The following ASIC3 variants were observed in gnomAD, a reference collection of about 807,000 sequenced individuals.
ASIC3 encodes acid-sensing ion channel 3.
In ASIC3, 46 loss-of-function variants were observed where a neutral mutation model predicts 58.6. That is an observed-to-expected ratio of 0.79 (90% CI 0.62 to 1.00). The LOEUF is 1.00. ASIC3 is among the 50% of genes least tolerant of loss of function. The pLI, the probability that ASIC3 is intolerant of heterozygous loss-of-function variation, is 0.00. For synonymous variants in ASIC3, 336 were observed against 300.2 expected (o/e 1.12, Z -1.23); for missense variants, 770 against 735.0 (o/e 1.05, Z -0.55).
In ASIC3 at chr7:151,048,762, C is replaced by T. The variant is rs1043160898; in HGVS notation, c.-124C>T. On this transcript the variant is annotated 5_prime_UTR_variant, in exon 1 of 11. Coordinates refer to ENST00000349064, the MANE Select transcript of ASIC3 (RefSeq NM_004769.4). ...CTGCCTTCCAACCTTGGCTGTCTCC[C>T]ACCCTCTCTTCTCCTCTCCTTGCCT... 1 of 1,257,516 alleles carries T rather than the reference C, an allele frequency of 8.0e-7. No individual in the cohort carries two copies. Among genetic ancestry groups the T allele is most frequent in the African/African-American group, 1.5e-5 (1 of 66,596 alleles). The allele number at this position is 1,257,516 out of a possible 1,614,324, so 77.9% of individuals were successfully genotyped here.
At position 151,051,304 on chromosome 7, in the gene ASIC3, G is replaced by A; in HGVS notation, c.1199G>A (p.Ser400Asn). The change falls in exon 6 of 11, where the codon AGC (serine) becomes AAC (asparagine). Residue 400 changes from serine to asparagine, a missense_variant. Ser to Asn is a conservative substitution (Grantham distance 46). Coordinates refer to ENST00000349064, the MANE Select transcript of ASIC3 (RefSeq NM_004769.4). Reference sequence around the variant, plus strand: ...TTCCTGGCCCGGAAGCTCAACCGCAGCGAGGCCTACATCGCGTGAGCTGCG... The same window carrying A: ...TTCCTGGCCCGGAAGCTCAACCGCAACGAGGCCTACATCGCGTGAGCTGCG... ...ARFLARKLNRSEAYIAENVLA... is the reference protein window; with the variant it reads ...ARFLARKLNRNEAYIAENVLA... 3 of 1,520,934 alleles carry A rather than the reference G, an allele frequency of 2.0e-6. No homozygotes were observed. Among genetic ancestry groups the A allele is most frequent in the Non-Finnish European group, 8.8e-7 (1 of 1,142,588 alleles). 94.2% of individuals were successfully genotyped at this position (1,520,934 alleles called of 1,614,324 possible).
chr7:151,051,973 G>C lies in ASIC3; in HGVS notation c.1307-10G>C. 2 of 1,613,676 alleles carry C rather than the reference G, an allele frequency of 1.2e-6. No homozygotes were observed. On this transcript the variant is annotated splice_polypyrimidine_tract_variant and intron_variant, in intron 7 of 10. Coordinates refer to ENST00000349064, the MANE Select transcript of ASIC3 (RefSeq NM_004769.4). ...TGGCTGTAAGTTGAAGGGTGACCCTGTCTCCACAGGTGACATTGGGGGCCA... is the reference window on the plus strand; with the variant it reads ...TGGCTGTAAGTTGAAGGGTGACCCTCTCTCCACAGGTGACATTGGGGGCCA...
chr7:151,050,454 C>G lies in ASIC3; in HGVS notation c.686-27C>G, dbSNP rs200595590. The G allele has an allele frequency of 1.2e-4, 197 of 1,611,306 alleles. 1 individual carries two copies. The East Asian group carries it at 1.8e-3, about 15-fold the overall frequency. ...GGGCAGGAGACCTGACCACACAGGT[C>G]AGGCCTCACAGGTCCCTCCCCGACA... On this transcript the variant is annotated intron_variant, in intron 2 of 10. Coordinates refer to ENST00000349064, the MANE Select transcript of ASIC3 (RefSeq NM_004769.4).
At chr7:151,051,396 G>T (rs1014129299) in intron 6 of ASIC3, 77 bp downstream of exon 6, 2 of 1,398,132 alleles carry the variant, frequency 1.4e-6, no homozygotes, top group South Asian at 1.6e-5. Context: ...CCAGGCCGTA[G>T]CCCTAGTGCG....
Position 151,050,954 on chromosome 7 carries a change from G to A in ASIC3, c.1009+1G>A. The A allele has an allele frequency of 1.2e-6, 2 of 1,613,486 alleles. No individual in the cohort carries two copies. The highest frequency in any genetic ancestry group is 1.1e-5 in the South Asian group (1 of 91,088). ...GGCTGCCGAATGGTGTACATGCCAGGTGAGGGGCTGGGGTTTTCGTCCCAT... is the reference window on the plus strand; with the variant it reads ...GGCTGCCGAATGGTGTACATGCCAGATGAGGGGCTGGGGTTTTCGTCCCAT... On this transcript the variant is annotated splice_donor_variant, in intron 4 of 10. Transcript: ENST00000349064. LOFTEE classifies it high-confidence loss of function.
intron 5 of ASIC3, 27 bp downstream of exon 5, chr7:151,051,122 GTCCGCCCCGC>G (rs764874352): frequency 1.6e-4 from 255 of 1,605,282 alleles, no homozygotes; most frequent in Non-Finnish European, 2.0e-4. Context: ...CCCACCTCCC[GTCCGCCCCGC>G]TCCGCCCGCG....
At chr7:151,050,688 G>A in intron 3 of ASIC3, 70 bp from the exon 4 acceptor site, 1 of 1,606,218 alleles carries the variant, frequency 6.2e-7, no homozygotes, top group Non-Finnish European at 8.5e-7. Flanking sequence ...CCTCAGACCT[G>A]TCTAGGGGCC....
rs766451637 is a variant in ASIC3 at position 151,051,913 on chromosome 7, G to A, written c.1306+12G>A. 1.6e-5 allele frequency: 26 copies of A among 1,613,614 alleles called. No homozygotes were observed. In the Admixed American group the frequency reaches 3.5e-4, roughly 22 times the overall value. On this transcript the variant is annotated intron_variant, in intron 7 of 10. Transcript: ENST00000349064. ...GTCAGAGCTGCTTGGTGTGTGTGCA[G>A]GGCCCCCAGGGCTGGGGGGGTGTGG... is the stretch of plus-strand genomic sequence containing the variant.
Position 151,049,374 on chromosome 7 carries a change from C to T in ASIC3, c.489C>T (p.Asp163=). 6.2e-7 allele frequency: 1 copy of T among 1,607,258 alleles called. No individual in the cohort carries two copies. Residue 163 remains aspartate, a synonymous_variant, in exon 1 of 11, where the codon GAC becomes GAT. Transcript: ENST00000349064. ...AGHSLDDMLL[D]CRFRGQPCGP... Reference sequence around the variant, plus strand: ...ACTCCCTGGATGACATGCTGCTGGACTGTCGCTTCCGTGGCCAACCTTGTG... The same window carrying T: ...ACTCCCTGGATGACATGCTGCTGGATTGTCGCTTCCGTGGCCAACCTTGTG...
chr7:151,051,160 G>A lies in ASIC3; in HGVS notation c.1067-12G>A, dbSNP rs374624215. ...CGCCCGCGGGCGTCTGACGCGGCCC[G>A]GTGGCCCGCAGATGCCATGCTTCGC... On this transcript the variant is annotated splice_polypyrimidine_tract_variant and intron_variant, in intron 5 of 10. Coordinates refer to ENST00000349064, the MANE Select transcript of ASIC3 (RefSeq NM_004769.4). 3 of 1,594,990 alleles carry A rather than the reference G, an allele frequency of 1.9e-6. No homozygotes were observed. Among genetic ancestry groups the A allele is most frequent in the Admixed American group, 1.7e-5 (1 of 57,794 alleles).
chr7:151,050,375 C>A, intron 2 of ASIC3, 106 bp from the exon 3 acceptor site: 1 of 1,565,610 alleles, frequency 6.4e-7, no homozygotes, highest in South Asian at 1.2e-5. Context: ...AGGGGCTGGG[C>A]TGGCTCATCC....
rs760460254 is a variant in ASIC3 at position 151,051,226 on chromosome 7, G to T, written c.1121G>T (p.Arg374Leu). 5.7e-6 allele frequency: 9 copies of T among 1,575,890 alleles called. No homozygotes were observed. Among genetic ancestry groups the T allele is most frequent in the South Asian group, 1.1e-5 (1 of 87,744 alleles). Reference protein sequence around the residue: ...CACPNPCASTRYAKELSMVRI... With the variant: ...CACPNPCASTLYAKELSMVRI... Reference sequence around the variant, plus strand: ...TGCCCCAACCCGTGCGCCAGCACGCGCTACGCCAAGGAGCTCTCCATGGTG... The same window carrying T: ...TGCCCCAACCCGTGCGCCAGCACGCTCTACGCCAAGGAGCTCTCCATGGTG... Residue 374 changes from arginine to leucine, a missense_variant, in exon 6 of 11, where the codon CGC becomes CTC. Coordinates refer to ENST00000349064, the MANE Select transcript of ASIC3 (RefSeq NM_004769.4).
chr7:151,049,510 C>T (rs1796715951), intron 1 of ASIC3, 91 bp downstream of exon 1: 3 of 1,449,910 alleles, frequency 2.1e-6, no homozygotes, highest in African/African-American at 1.4e-5. Context: ...AGCACAGGCT[C>T]CCCCAAAGCC....
Position 151,049,235 on chromosome 7 carries a change from T to C in ASIC3, c.350T>C (p.Leu117Pro), listed in dbSNP as rs139085042. 4.3e-5 allele frequency: 69 copies of C among 1,611,782 alleles called. No homozygotes were observed. The highest frequency in any genetic ancestry group is 5.1e-5 in the Non-Finnish European group (60 of 1,179,088). ...LHWAGSALLGLDPAEHAAFLR... is the reference protein window; with the variant it reads ...LHWAGSALLGPDPAEHAAFLR... ...TGGGCTGGGTCTGCGCTGCTGGGCC[T>C]GGATCCCGCAGAGCACGCCGCCTTC... is the stretch of plus-strand genomic sequence containing the variant. The change falls in exon 1 of 11, where the codon CTG (leucine) becomes CCG (proline). Residue 117 changes from leucine (L) to proline (P), a missense_variant. By Grantham distance (98) the Leu-to-Pro change is moderately conservative. Transcript: ENST00000349064.
chr7:151,052,014 C>T lies in ASIC3; in HGVS notation c.1338C>T (p.Ile446=), dbSNP rs767102339. 3.9e-5 allele frequency: 63 copies of T among 1,611,298 alleles called. 1 individual carries two copies. The highest frequency in any genetic ancestry group is 2.9e-4 in the South Asian group (26 of 90,806). ...GDIGGQMGLF[I]GASLLTILEI... The stretch of plus-strand genomic sequence containing the variant: ...TTGGGGGCCAGATGGGGCTGTTCAT[C>T]GGGGCCAGCCTGCTCACCATCCTCG... The change falls in exon 8 of 11, where the codon ATC becomes ATT. Residue 446 remains isoleucine (I), a synonymous_variant. Coordinates refer to ENST00000349064, the MANE Select transcript of ASIC3 (RefSeq NM_004769.4). The surrounding 1 kb of genome is among the most constrained non-coding windows in gnomAD (Gnocchi z 5.0).
Position 151,052,222 on chromosome 7 carries a change from C to G in ASIC3, c.1443C>G (p.His481Gln). The G allele has an allele frequency of 1.2e-6, 2 of 1,614,074 alleles. No individual in the cohort carries two copies. Among genetic ancestry groups the G allele is most frequent in the South Asian group, 2.2e-5 (2 of 91,080 alleles). ...GGAACCGACAGCACTCCCAAAGGCACTCCAGCACCAATCTGGTAACAGCCC... is the reference window on the plus strand; with the variant it reads ...GGAACCGACAGCACTCCCAAAGGCAGTCCAGCACCAATCTGGTAACAGCCC... ...YFWNRQHSQR[H>Q]SSTNLLQEGL... Residue 481 changes from histidine (H) to glutamine (Q), a missense_variant, in exon 9 of 11, where the codon CAC becomes CAG. Coordinates refer to ENST00000349064, the MANE Select transcript of ASIC3 (RefSeq NM_004769.4). This position sits in a 1 kb window ranked among gnomAD's most constrained non-coding sequence, Gnocchi z 5.0.
At position 151,050,250 on chromosome 7, in the gene ASIC3, G is replaced by A. The variant is rs1796736172; in HGVS notation, c.679G>A (p.Asp227Asn). 6 of 1,612,804 alleles carry A rather than the reference G, an allele frequency of 3.7e-6. No homozygotes were observed. The highest frequency in any genetic ancestry group is 1.7e-5 in the Admixed American group (1 of 59,994). ...GGAGGAATATCTACCTGTGTGGAGGGACAATGGTAGGGAGCACACAAATGA... is the reference window on the plus strand; with the variant it reads ...GGAGGAATATCTACCTGTGTGGAGGAACAATGGTAGGGAGCACACAAATGA... ...QQEEYLPVWRDNEETPFEVGI... is the reference protein window; with the variant it reads ...QQEEYLPVWRNNEETPFEVGI... Residue 227 changes from aspartate to asparagine, a missense_variant, in exon 2 of 11, where the codon GAC (aspartate) becomes AAC (asparagine). Coordinates refer to ENST00000349064, the MANE Select transcript of ASIC3 (RefSeq NM_004769.4).
At chr7:151,049,513 C>T (rs1222732228) in intron 1 of ASIC3, 94 bp downstream of exon 1, 21 of 1,446,258 alleles carry the variant, frequency 1.5e-5, no homozygotes, top group Non-Finnish European at 1.8e-5. Context: ...ACAGGCTCCC[C>T]CAAAGCCAGG....
Position 151,052,247 on chromosome 7 carries a change from C to T in ASIC3, c.1458+10C>T, listed in dbSNP as rs373214644. On this transcript the variant is annotated intron_variant, in intron 9 of 10. Transcript: ENST00000349064. This position sits in a 1 kb window ranked among gnomAD's most constrained non-coding sequence, Gnocchi z 5.0. ...CTCCAGCACCAATCTGGTAACAGCC[C>T]CTCTTCTGGAGCCCTTGCCTGCTCC... 1.4e-5 allele frequency: 23 copies of T among 1,613,900 alleles called. No homozygotes were observed. The highest frequency in any genetic ancestry group is 1.9e-5 in the Non-Finnish European group (22 of 1,179,988).
Sources: allele counts gnomAD v4.1 joint callset, GRCh38; gene constraint gnomAD v4.1.1; non-coding constraint Gnocchi (gnomAD v3.1); transcripts MANE v1.5; gene names NCBI Gene and HGNC (gene_info 2026-07-23, HGNC 2026-07-21).